CACNA1C: variants seen among roughly 807,000 people sequenced by gnomAD.
CACNA1C encodes voltage-dependent L-type calcium channel subunit alpha-1C.
Under a neutral mutation model 229.0 loss-of-function variants are expected in CACNA1C, and 30 were observed. The ratio of observed to expected loss-of-function variants is 0.13; its 90% CI spans 0.10 to 0.18. The LOEUF (loss-of-function observed/expected upper bound fraction) is 0.18, where lower values mean the gene tolerates loss of function less well. Ranked by LOEUF, CACNA1C falls within the 10% of genes least tolerant of loss-of-function variation. CACNA1C has a pLI of 1.00. For synonymous variants in CACNA1C, 1,114 were observed against 1,132.5 expected, an observed-to-expected ratio of 0.98 and a Z score of 0.33; for missense variants, 1,658 against 2,845.0, an observed-to-expected ratio of 0.58 and a Z score of 9.49.
At chr12:2,609,671 C>T (rs2076778492) in intron 27 of CACNA1C, among the ~76,000 whole-genome samples, 1 of 151,628 alleles carries the variant, frequency 6.6e-6, no homozygotes, top group South Asian at 2.1e-4. Context: ...TGAGAAGAAG[C>T]TGGGGACATT....
At chr12:1,993,377 T>G (rs755489073) in intron 1 of CACNA1C, 3 of 1,611,524 alleles carry the variant, frequency 1.9e-6, no homozygotes, top group Non-Finnish European at 2.5e-6. Flanking sequence ...GAATCCATGC[T>G]TTGGAGAAGC....
intron 3 of CACNA1C, among the ~76,000 whole-genome samples, chr12:2,236,820 C>T (rs1285431961): frequency 2.0e-5 from 3 of 152,094 alleles, no homozygotes; most frequent in South Asian, 4.2e-4. Context: ...GGAGTGGTGC[C>T]GGGCCCACAC....
intron 3 of CACNA1C, among the ~76,000 whole-genome samples, chr12:2,218,144 C>G (rs1417600619): frequency 6.6e-6 from 1 of 152,180 alleles, no homozygotes; most frequent in Non-Finnish European, 1.5e-5. Flanking sequence ...GTTTTGGGGT[C>G]TCTGGGCTCC....
intron 29 of CACNA1C, among the ~76,000 whole-genome samples, chr12:2,622,692 C>A (rs567891193): frequency 3.3e-5 from 5 of 152,268 alleles, no homozygotes; most frequent in African/African-American, 1.2e-4. Flanking sequence ...GGGAGTGTAC[C>A]CCGCCCCCAG....
intron 5 of CACNA1C, among the ~76,000 whole-genome samples, chr12:2,464,332 G>A (rs2099535678): frequency 6.6e-6 from 1 of 152,170 alleles, no homozygotes; most frequent in African/African-American, 2.4e-5. Flanking sequence ...CAGAACACCT[G>A]TCCAGTTTTC....
At chr12:2,615,862 G>A (rs2080250599) in intron 29 of CACNA1C, among the ~76,000 whole-genome samples, 2 of 152,192 alleles carry the variant, frequency 1.3e-5, no homozygotes. Context: ...GAGAGGCTGC[G>A]CTCCAAGCTT....
intron 3 of CACNA1C, among the ~76,000 whole-genome samples, chr12:2,178,895 G>A (rs1297287950): frequency 6.6e-6 from 1 of 152,010 alleles, no homozygotes; most frequent in African/African-American, 2.4e-5. Context: ...AACCCTGTCT[G>A]TACTAAAAAT....
intron 29 of CACNA1C, among the ~76,000 whole-genome samples, chr12:2,619,397 G>T (rs995746982): frequency 7.9e-5 from 12 of 152,146 alleles, no homozygotes; most frequent in African/African-American, 2.9e-4. Context: ...CTCCAGCCTG[G>T]GTGTGCCCTC....
intron 3 of CACNA1C, among the ~76,000 whole-genome samples, chr12:2,369,463 A>G (rs537442744): frequency 7.3e-5 from 11 of 150,540 alleles, no homozygotes; most frequent in Non-Finnish European, 1.3e-4. Flanking sequence ...CAGTGGCGCA[A>G]TCTTGGCTCA....
At chr12:2,459,526 A>C (rs2099484880) in intron 5 of CACNA1C, among the ~76,000 whole-genome samples, 1 of 152,204 alleles carries the variant, frequency 6.6e-6, no homozygotes, top group Non-Finnish European at 1.5e-5. Context: ...AGGCACGCAG[A>C]GCTGAGCACA....
intron 1 of CACNA1C, among the ~76,000 whole-genome samples, chr12:2,047,431 G>C (rs1019407343): frequency 2.0e-5 from 3 of 152,230 alleles, no homozygotes; most frequent in Non-Finnish European, 1.5e-5. Flanking sequence ...TGGGTGTTAA[G>C]AGGTAAAGCC....
chr12:2,389,540 TTTAATG>T (rs2098450114), intron 3 of CACNA1C, among the ~76,000 whole-genome samples: 1 of 152,188 alleles, frequency 6.6e-6, no homozygotes, highest in Non-Finnish European at 1.5e-5. Flanking sequence ...AGAGCATCCT[TTTAATG>T]TGATCAGTGC....
At chr12:2,681,944 C>CA (rs1477613857) in intron 42 of CACNA1C, 8 of 1,543,304 alleles carry the variant, frequency 5.2e-6, no homozygotes, top group Non-Finnish European at 7.2e-6. Context: ...GACCCTGTCC[C>CA]AGCAGGGAAA....
chr12:2,515,841 T>G (rs1002922902), intron 9 of CACNA1C, among the ~76,000 whole-genome samples: 2 of 152,194 alleles, frequency 1.3e-5, no homozygotes, highest in African/African-American at 4.8e-5. Context: ...TTAGTGTAAG[T>G]GAAGTGGCCC....
At chr12:2,207,548 G>A (rs1016259676) in intron 3 of CACNA1C, among the ~76,000 whole-genome samples, 6 of 152,136 alleles carry the variant, frequency 3.9e-5, no homozygotes, top group African/African-American at 1.4e-4. Flanking sequence ...GGTGGCTCAA[G>A]CCTGTAATCC....
chr12:2,097,466 A>G (rs930822631), intron 1 of CACNA1C, among the ~76,000 whole-genome samples: 5 of 152,066 alleles, frequency 3.3e-5, no homozygotes, highest in African/African-American at 1.2e-4. Context: ...TTTTTGAGGA[A>G]CTTTCATCCT....
At chr12:2,680,460 C>T (rs773190322) in intron 42 of CACNA1C, 6 of 1,563,420 alleles carry the variant, frequency 3.8e-6, no homozygotes, top group Non-Finnish European at 4.3e-6. Context: ...CCAGGGTTCC[C>T]TGGCGGGGCT....
chr12:2,677,081 C>G lies in CACNA1C; in HGVS notation c.4829-13C>G. ...TCCCCTCTTACCCCCTCTCCCCTCT[C>G]CATACGTCTCAGATGATGAGGTCAC... is the stretch of plus-strand genomic sequence containing the variant. On this transcript the variant is annotated splice_polypyrimidine_tract_variant and intron_variant, in intron 39 of 46. Transcript: ENST00000399655. This position sits in a 1 kb window ranked among gnomAD's most constrained non-coding sequence, Gnocchi z 7.4. 4 of 1,611,124 alleles carry G rather than the reference C, an allele frequency of 2.5e-6. No homozygotes were observed. The highest frequency in any genetic ancestry group is 3.4e-6 in the Non-Finnish European group (4 of 1,178,230).
intron 3 of CACNA1C, among the ~76,000 whole-genome samples, chr12:2,315,573 C>T (rs2095647528): frequency 6.6e-6 from 1 of 152,186 alleles, no homozygotes; most frequent in Non-Finnish European, 1.5e-5. Context: ...GAAACGAAGG[C>T]AGGTGTTGTA....
Sources: gnomAD v4.1 joint callset for allele counts (sites outside exome capture counted in the v4.1 genomes callset) on GRCh38, gnomAD v4.1.1 for gene constraint, Gnocchi (gnomAD v3.1) non-coding constraint, MANE v1.5 for transcripts, NCBI Gene and HGNC (gene_info 2026-07-23, HGNC 2026-07-21) for gene names.